Variants in CADPS observed in about 807,000 individuals in gnomAD.
CADPS encodes calcium-dependent secretion activator 1.
CADPS carries 57 observed loss-of-function variants against 167.3 expected under a neutral mutation model. That is an observed-to-expected ratio of 0.34 (90% CI 0.28 to 0.42). CADPS has a LOEUF of 0.42. Among genes scored for constraint, CADPS ranks in the 20% least tolerant of loss-of-function variants. The probability of loss-of-function intolerance (pLI) is 1.00; values close to 1 mark genes in which losing one functional copy is unlikely to be tolerated. For missense variants in CADPS, 1,414 were observed against 1,738.1 expected (o/e 0.81, Z 3.32); for synonymous variants, 676 against 635.3 (o/e 1.06, Z -0.96).
At position 62,465,709 on chromosome 3, in the gene CADPS, A is replaced by T. The variant is rs1378907473; in HGVS notation, c.3553-259T>A. Among the ~76,000 whole-genome samples the T allele has an allele frequency of 6.6e-6, 1 of 152,240 alleles. No individual in the cohort carries two copies. Among genetic ancestry groups the T allele is most frequent in the Non-Finnish European group, 1.5e-5 (1 of 68,038 alleles). The stretch of plus-strand genomic sequence containing the variant: ...AGTGCAAAGTGACAAAATATTATTG[A>T]GTTGCATATAGCATGCGATAATATT... On this transcript the variant is annotated intron_variant, in intron 25 of 29. Coordinates refer to ENST00000383710, the MANE Select transcript of CADPS (RefSeq NM_003716.4). The surrounding 1 kb of genome is among the most constrained non-coding windows in gnomAD (Gnocchi z 4.1).
chr3:62,828,274 C>T (rs978571708), intron 1 of CADPS, among the ~76,000 whole-genome samples: 5 of 152,294 alleles, frequency 3.3e-5, no homozygotes, highest in Non-Finnish European at 7.4e-5. Context: ...CTCCAGATGG[C>T]AATTCCAGCA....
Position 62,602,550 on chromosome 3 carries a change from T to C in CADPS, c.1326-9802A>G, listed in dbSNP as rs908906269. On this transcript the variant is annotated intron_variant, in intron 6 of 29. Coordinates refer to ENST00000383710, the MANE Select transcript of CADPS (RefSeq NM_003716.4). The surrounding 1 kb of genome is among the most constrained non-coding windows in gnomAD (Gnocchi z 4.4). ...CCTGCCTTTGAGGTGGACTGCATGA[T>C]ATTCCACTCCAAGGGAATCAATTGT... 2.0e-5 allele frequency among the ~76,000 whole-genome samples: 3 copies of C among 152,314 alleles called. No individual in the cohort carries two copies. The highest frequency in any genetic ancestry group is 3.9e-4 in the East Asian group (2 of 5,190).
At chr3:62,449,437 A>T (rs2057722273) in intron 26 of CADPS, among the ~76,000 whole-genome samples, 1 of 152,198 alleles carries the variant, frequency 6.6e-6, no homozygotes, top group South Asian at 2.1e-4. Context: ...CAGAACCAGG[A>T]TGAGAATCTT....
At chr3:62,461,948 G>C (rs1309828652) in intron 26 of CADPS, among the ~76,000 whole-genome samples, 1 of 152,218 alleles carries the variant, frequency 6.6e-6, no homozygotes, top group African/African-American at 2.4e-5. Flanking sequence ...TCAGTAAATA[G>C]AAGTTGAGTA....
intron 5 of CADPS, among the ~76,000 whole-genome samples, chr3:62,650,441 ACT>A (rs1468182848): frequency 1.3e-5 from 2 of 152,168 alleles, no homozygotes; most frequent in Admixed American, 6.5e-5. Context: ...ACCACAAGGG[ACT>A]CTCTACCTTG....
At chr3:62,729,852 G>A (rs762125169) in intron 3 of CADPS, among the ~76,000 whole-genome samples, 4 of 151,730 alleles carry the variant, frequency 2.6e-5, no homozygotes, top group Non-Finnish European at 5.9e-5. Flanking sequence ...AAGTATTTCT[G>A]GTTCTCGTCT....
intron 9 of CADPS, among the ~76,000 whole-genome samples, chr3:62,560,528 C>T (rs1371032957): frequency 2.0e-5 from 3 of 152,182 alleles, no homozygotes; most frequent in African/African-American, 7.2e-5. Context: ...ATCTAGTGAT[C>T]TCAAATGATC....
chr3:62,800,426 G>C (rs1513149), intron 1 of CADPS, among the ~76,000 whole-genome samples: 95,248 of 151,912 alleles, frequency 0.63, 30,697 homozygotes, highest in East Asian at 0.92. Context: ...CTAATCATTT[G>C]ACTTTTATAT....
At chr3:62,513,749 G>A (rs1453346651) in intron 16 of CADPS, 2 of 1,314,764 alleles carry the variant, frequency 1.5e-6, no homozygotes, top group Admixed American at 3.8e-5. Context: ...TAGGTCAGAG[G>A]TAAAGAGGTT....
Position 62,536,430 on chromosome 3 carries a change from A to G in CADPS, c.2103+15T>C. The G allele has an allele frequency of 6.2e-7, 1 of 1,609,648 alleles. No homozygotes were observed. The highest frequency in any genetic ancestry group is 8.5e-7 in the Non-Finnish European group (1 of 1,177,114). On this transcript the variant is annotated intron_variant, in intron 12 of 29. Transcript: ENST00000383710. ...TGTTATGTTTAAATTGCTGTAGACC[A>G]AAGAATATACTTGCCAGGCAAGAAT...
At chr3:62,609,315 G>T (rs192153284) in intron 6 of CADPS, among the ~76,000 whole-genome samples, 2 of 151,616 alleles carry the variant, frequency 1.3e-5, no homozygotes, top group Non-Finnish European at 2.9e-5. Flanking sequence ...ATAGATTCAC[G>T]GTATACAGTT....
intron 19 of CADPS, 73 bp from the exon 20 acceptor site, chr3:62,492,519 C>T (rs13325751): frequency 0.1 from 149,100 of 1,426,362 alleles, 9,215 homozygotes; most frequent in Admixed American, 0.27. Flanking sequence ...ACGTGAATTC[C>T]AGCCCTCACT....
At chr3:62,566,795 T>G (rs1319862772) in intron 9 of CADPS, among the ~76,000 whole-genome samples, 1 of 152,114 alleles carries the variant, frequency 6.6e-6, no homozygotes, top group Non-Finnish European at 1.5e-5. Context: ...GAAATCTGAT[T>G]CAGGCTGAAA....
chr3:62,732,179 G>C (rs2078036002), intron 3 of CADPS, among the ~76,000 whole-genome samples: 1 of 152,112 alleles, frequency 6.6e-6, no homozygotes, highest in South Asian at 2.1e-4. Context: ...CTTCTTGCAT[G>C]AGGTCTGGAC....
rs565004358 is a variant in CADPS, at chr3:62,506,315, G to T, written c.2599+6436C>A. Among the ~76,000 whole-genome samples the T allele has an allele frequency of 8.5e-5, 13 of 152,266 alleles. No homozygotes were observed. In the East Asian group the frequency reaches 2.5e-3, roughly 29 times the overall value. Reference sequence around the variant, plus strand: ...AGGCAGGAGAATCTCTTGGACCCGGGAGGCGGAGGTTGCAGTGAGCCGAGA... The same window carrying T: ...AGGCAGGAGAATCTCTTGGACCCGGTAGGCGGAGGTTGCAGTGAGCCGAGA... On this transcript the variant is annotated intron_variant, in intron 17 of 29. Coordinates refer to ENST00000383710, the MANE Select transcript of CADPS (RefSeq NM_003716.4).
chr3:62,748,168 CAAAAAAAAAAAAAAA>C (rs139568165), intron 3 of CADPS, among the ~76,000 whole-genome samples: 1 of 63,198 alleles, frequency 1.6e-5, no homozygotes, highest in African/African-American at 7.1e-5. Flanking sequence ...ACTAAAATTA[CAAAAAAAAAAAAAAA>C]AAAAAAAAAA....
chr3:62,763,597 G>C (rs1355523368), intron 2 of CADPS, among the ~76,000 whole-genome samples: 3 of 152,160 alleles, frequency 2.0e-5, no homozygotes, highest in Non-Finnish European at 4.4e-5. Flanking sequence ...ACCCAGAGTT[G>C]GGTACAGGAA....
intron 6 of CADPS, among the ~76,000 whole-genome samples, chr3:62,599,501 TATATATATTATATATATATTAC>T (rs1430276856): frequency 6.9e-5 from 8 of 115,592 alleles, no homozygotes; most frequent in East Asian, 2.2e-4. Flanking sequence ...ATATATATTT[TATATATATTATATATATATTAC>T]ATATATATTA....
At chr3:62,642,537 G>A (rs1269243018) in intron 6 of CADPS, among the ~76,000 whole-genome samples, 4 of 152,144 alleles carry the variant, frequency 2.6e-5, no homozygotes, top group South Asian at 2.1e-4. Flanking sequence ...TGATGAAGAG[G>A]CTTCTGAGTA....
Sources: allele counts gnomAD v4.1 joint callset (sites outside exome capture counted in the v4.1 genomes callset), GRCh38; gene constraint gnomAD v4.1.1; non-coding constraint Gnocchi (gnomAD v3.1); transcripts MANE v1.5; gene names NCBI Gene and HGNC (gene_info 2026-07-23, HGNC 2026-07-21).